The following RGPD4 variants were observed in gnomAD, a reference collection of about 807,000 sequenced individuals.
RGPD4 encodes ranBP2-like and GRIP domain-containing protein 4.
In RGPD4, 84 loss-of-function variants were observed where a neutral mutation model predicts 141.1. That is an observed-to-expected ratio of 0.60 (90% CI 0.50 to 0.71). The LOEUF (loss-of-function observed/expected upper bound fraction) is 0.71, where lower values mean the gene tolerates loss of function less well. Ranked by LOEUF, RGPD4 falls within the 30% of genes least tolerant of loss-of-function variation. The pLI is 0.00. For missense variants in RGPD4, 918 were observed against 1,622.4 expected (o/e 0.57, Z 7.46); for synonymous variants, 298 against 566.8 (o/e 0.53, Z 6.74).
chr2:107,841,161 C>A (rs1216057552), intron 4 of RGPD4, among the ~76,000 whole-genome samples: 1 of 119,412 alleles, frequency 8.4e-6, no homozygotes, highest in Non-Finnish European at 1.8e-5. Flanking sequence ...TCAAACATAA[C>A]TCCCATATTG....
intron 22 of RGPD4, among the ~76,000 whole-genome samples, chr2:107,886,805 A>G (rs3872522): frequency 6.6e-6 from 1 of 151,946 alleles, no homozygotes; most frequent in Non-Finnish European, 1.5e-5. Flanking sequence ...AGTACCTTTT[A>G]CCTCTCTCAT....
intron 1 of RGPD4, among the ~76,000 whole-genome samples, chr2:107,832,720 C>T (rs1371646961): frequency 3.3e-5 from 5 of 151,568 alleles, no homozygotes; most frequent in Non-Finnish European, 7.4e-5. Flanking sequence ...ATTTGGTTAT[C>T]GAATTCTGAG....
chr2:107,833,218 G>T (rs1341097721), intron 1 of RGPD4, among the ~76,000 whole-genome samples: 3 of 151,196 alleles, frequency 2.0e-5, no homozygotes, highest in African/African-American at 7.3e-5. Flanking sequence ...GGGTGACAGA[G>T]CGAGACTCCG....
In RGPD4 at chr2:107,859,524, C is replaced by T. The variant is rs551635252; in HGVS notation, c.1604C>T (p.Ala535Val). 1.6e-4 allele frequency: 255 copies of T among 1,611,250 alleles called. 3 individuals are homozygous for T. The African/African-American group carries it at 2.0e-3, about 13-fold the overall frequency. Residue 535 changes from alanine (A) to valine (V), a missense_variant, in exon 11 of 23, where the codon GCG (alanine) becomes GTG (valine). Transcript: ENST00000408999. ...CTERQKSWWD[A>V]VCTLIHRKAV... ...GAAAGACAAAAATCTTGGTGGGATGCGGTTTGTACTCTGATTCACAGAAAA... is the reference window on the plus strand; with the variant it reads ...GAAAGACAAAAATCTTGGTGGGATGTGGTTTGTACTCTGATTCACAGAAAA...
At chr2:107,858,403 C>CTT (rs1170835892) in intron 9 of RGPD4, among the ~76,000 whole-genome samples, 1 of 102,228 alleles carries the variant, frequency 9.8e-6, no homozygotes, top group Non-Finnish European at 1.9e-5. Context: ...ATAACCTTTT[C>CTT]TTTTCTTTTC....
chr2:107,890,723 G>A lies in RGPD4; in HGVS notation c.5269G>A (p.Glu1757Lys). The change falls in exon 23 of 23, where the codon GAG becomes AAG. Residue 1757 changes from glutamate (E) to lysine (K), a missense_variant and splice_region_variant. Glu to Lys is a moderately conservative substitution (Grantham distance 56). Coordinates refer to ENST00000408999, the MANE Select transcript of RGPD4 (RefSeq NM_182588.3). ...KGKLAAVAQG[E>K]E ...TTTTTTTGTTTTACTTTCCAAAGGT[G>A]AGGAATAAAATGCTTCCCGTTCTTC... The A allele has an allele frequency of 1.3e-6, 2 of 1,598,266 alleles. No homozygotes were observed. Among genetic ancestry groups the A allele is most frequent in the Non-Finnish European group, 8.5e-7 (1 of 1,175,694 alleles).
In RGPD4 at chr2:107,871,817, T is replaced by C; in HGVS notation, c.3813T>C (p.Ser1271=). ...DSVSSSSVHA[S]PLASSPVRKN... The stretch of plus-strand genomic sequence containing the variant: ...TCAGTAGTAGCTCAGTACATGCTTC[T>C]CCATTGGCAAGTAGCCCTGTGAGAA... Residue 1271 remains serine, a synonymous_variant, in exon 20 of 23, where the codon TCT becomes TCC. Transcript: ENST00000408999. 1 of 1,611,624 alleles carries C rather than the reference T, an allele frequency of 6.2e-7. No individual in the cohort carries two copies. Among genetic ancestry groups the C allele is most frequent in the Non-Finnish European group, 8.5e-7 (1 of 1,179,858 alleles).
rs1210404960 is a variant in RGPD4 at position 107,827,003 on chromosome 2, T to C, written c.-11T>C. The C allele has an allele frequency of 5.0e-6, 8 of 1,595,974 alleles. No homozygotes were observed. The highest frequency in any genetic ancestry group is 4.5e-5 in the East Asian group (2 of 44,162). Reference sequence around the variant, plus strand: ...GGTTTCACGCGTCTCGGGAGCCAGGTTGGTGGCGCGATGAGTTGCAGCAAG... The same window carrying C: ...GGTTTCACGCGTCTCGGGAGCCAGGCTGGTGGCGCGATGAGTTGCAGCAAG... On this transcript the variant is annotated 5_prime_UTR_variant, in exon 1 of 23. Transcript: ENST00000408999.
chr2:107,885,225 T>A (rs1014857164), intron 22 of RGPD4, among the ~76,000 whole-genome samples: 1 of 152,070 alleles, frequency 6.6e-6, no homozygotes, highest in African/African-American at 2.4e-5. Context: ...CTACTTCTAG[T>A]CACCTAAGAG....
At chr2:107,875,624 G>A (rs3872508) in intron 20 of RGPD4, among the ~76,000 whole-genome samples, 25 of 144,806 alleles carry the variant, frequency 1.7e-4, no homozygotes, top group Admixed American at 3.6e-4. Context: ...AATTTTTTGC[G>A]CTTTGCATTA....
rs1209761220 is a variant in RGPD4, at chr2:107,861,740, A to C, written c.2205A>C (p.Lys735Asn). 6.3e-7 allele frequency: 1 copy of C among 1,579,114 alleles called. No homozygotes were observed. Among genetic ancestry groups the C allele is most frequent in the African/African-American group, 1.4e-5 (1 of 70,302 alleles). The part of the protein sequence containing the change: ...DSDSNLSVVK[K>N]LPVPLESVKE... Reference sequence around the variant, plus strand: ...ATTCAAATCTTTCAGTGGTCAAGAAAGTAAGTAGCAGGTTGTTGTATGTAC... The same window carrying C: ...ATTCAAATCTTTCAGTGGTCAAGAACGTAAGTAGCAGGTTGTTGTATGTAC... The change falls in exon 15 of 23, where the codon AAA becomes AAC. Residue 735 changes from lysine to asparagine, a missense_variant and splice_region_variant. Transcript: ENST00000408999.
intron 22 of RGPD4, among the ~76,000 whole-genome samples, chr2:107,883,472 A>T (rs899842379): frequency 1.3e-5 from 2 of 151,292 alleles, no homozygotes; most frequent in Non-Finnish European, 2.9e-5. Flanking sequence ...TCTACTAAAA[A>T]TACAAAAATT....
At chr2:107,853,991 C>A (rs1325225489) in intron 7 of RGPD4, among the ~76,000 whole-genome samples, 3 of 145,742 alleles carry the variant, frequency 2.1e-5, no homozygotes, top group East Asian at 2.0e-4. Context: ...TCAAGTGATC[C>A]CCCCACCTTG....
At chr2:107,880,888 C>T (rs1389299873) in intron 21 of RGPD4, among the ~76,000 whole-genome samples, 1 of 151,078 alleles carries the variant, frequency 6.6e-6, no homozygotes, top group East Asian at 1.9e-4. Context: ...GAGGTATTTC[C>T]ACCCTGGCTC....
At chr2:107,859,067 A>G in intron 9 of RGPD4, 47 bp from the exon 10 acceptor site, 1 of 645,062 alleles carries the variant, frequency 1.6e-6, no homozygotes, top group East Asian at 3.0e-5. Flanking sequence ...CTAATGGCAC[A>G]AGGAAAAATT....
At chr2:107,846,189 G>A (rs1681936800) in intron 6 of RGPD4, among the ~76,000 whole-genome samples, 1 of 149,832 alleles carries the variant, frequency 6.7e-6, no homozygotes, top group East Asian at 2.0e-4. Flanking sequence ...GCCTCCCAAA[G>A]TGCTGGGATT....
At chr2:107,836,468 G>C (rs1681666923) in intron 1 of RGPD4, 134 bp from the exon 2 acceptor site, 11 of 846,648 alleles carry the variant, frequency 1.3e-5, no homozygotes, top group African/African-American at 3.5e-5. Flanking sequence ...CATTTGTCAG[G>C]CTTTAAAAAA....
chr2:107,854,106 G>T (rs1291321336), intron 7 of RGPD4, among the ~76,000 whole-genome samples: 1 of 135,878 alleles, frequency 7.4e-6, no homozygotes, highest in Non-Finnish European at 1.5e-5. Flanking sequence ...CCAGGCCGGA[G>T]TGCAATGGCA....
At chr2:107,830,234 C>A (rs868346573) in intron 1 of RGPD4, among the ~76,000 whole-genome samples, 6 of 151,386 alleles carry the variant, frequency 4.0e-5, no homozygotes, top group Non-Finnish European at 7.4e-5. Context: ...AATTTTTAAC[C>A]TTTTCCACAG....
Sources: allele counts gnomAD v4.1 joint callset (sites outside exome capture counted in the v4.1 genomes callset), GRCh38; gene constraint gnomAD v4.1.1; transcripts MANE v1.5; gene names NCBI Gene and HGNC (gene_info 2026-07-23, HGNC 2026-07-21).